AP3B1: variants seen among roughly 807,000 people sequenced by gnomAD.
The protein encoded by AP3B1 is AP-3 complex subunit beta-1.
Under a neutral mutation model 132.5 loss-of-function variants are expected in AP3B1, and 61 were observed. The ratio of observed to expected loss-of-function variants is 0.46; its 90% CI spans 0.37 to 0.57. AP3B1 has a LOEUF of 0.57. AP3B1 is among the 20% of genes least tolerant of loss of function. The pLI, the probability that AP3B1 is intolerant of heterozygous loss-of-function variation, is 0.00. For synonymous variants in AP3B1, 388 were observed against 438.3 expected, an observed-to-expected ratio of 0.89 and a Z score of 1.43; for missense variants, 1,120 against 1,289.4, an observed-to-expected ratio of 0.87 and a Z score of 2.01.
At chr5:78,274,247 T>C (rs551343089) in intron 1 of AP3B1, among the ~76,000 whole-genome samples, 10 of 151,068 alleles carry the variant, frequency 6.6e-5, no homozygotes, top group African/African-American at 2.4e-4. Context: ...GTATATGAAA[T>C]TAAGAACTCA....
intron 1 of AP3B1, among the ~76,000 whole-genome samples, chr5:78,278,101 A>C (rs1320357412): frequency 6.6e-6 from 1 of 152,124 alleles, no homozygotes; most frequent in African/African-American, 2.4e-5. Context: ...CCCAATCTTA[A>C]TCTTCTATAC....
chr5:78,183,867 T>TAAAA (rs899886034), intron 7 of AP3B1, among the ~76,000 whole-genome samples: 757 of 71,502 alleles, frequency 0.011, 16 homozygotes, highest in African/African-American at 0.043. Context: ...AATTCCATCT[T>TAAAA]AAAAAAAAAA....
intron 7 of AP3B1, among the ~76,000 whole-genome samples, chr5:78,193,736 ATAT>A (rs1456472890): frequency 1.1e-4 from 8 of 70,590 alleles, no homozygotes; most frequent in Admixed American, 2.3e-4. Flanking sequence ...ATATTTGTAT[ATAT>A]TTTTTTATAT....
Position 78,039,425 on chromosome 5 carries a change from T to A in AP3B1, c.2578-151A>T, listed in dbSNP as rs1351281378. ...AAACATTAGTAGGATATCACACACA[T>A]AGATATTAGTCAGAAATGATACAAA... On this transcript the variant is annotated intron_variant, in intron 22 of 26. Transcript: ENST00000255194. The A allele has an allele frequency of 4.4e-6, 3 of 687,430 alleles. No individual in the cohort carries two copies. In the Admixed American group the frequency reaches 7.1e-5, roughly 16 times the overall value. 42.6% of individuals were successfully genotyped at this position (687,430 alleles called of 1,614,324 possible).
At chr5:78,103,197 C>T (rs114606816) in intron 20 of AP3B1, among the ~76,000 whole-genome samples, 2,118 of 152,246 alleles carry the variant, frequency 0.014, 59 homozygotes, top group African/African-American at 0.049. Flanking sequence ...AAAGGATCTA[C>T]TATAAAAATA....
In AP3B1 at chr5:78,015,460, T is replaced by G; in HGVS notation, c.3081A>C (p.Val1027=). ...FTPSVIFQKV[V]NVANVGAVPS... is the part of the protein sequence containing the mutation. ...GGACTGCACCTACATTGGCTACATT[T>G]ACAACCTTCTGAAAGATCACAGAGG... is the stretch of plus-strand genomic sequence containing the variant. Residue 1027 remains valine (V), a synonymous_variant, in exon 26 of 27, where the codon GTA becomes GTC. Coordinates refer to ENST00000255194, the MANE Select transcript of AP3B1 (RefSeq NM_003664.5). The G allele has an allele frequency of 1.9e-6, 3 of 1,613,950 alleles. No individual in the cohort carries two copies. Among genetic ancestry groups the G allele is most frequent in the Non-Finnish European group, 2.5e-6 (3 of 1,179,874 alleles).
chr5:78,266,863 A>G (rs1748344310), intron 2 of AP3B1, among the ~76,000 whole-genome samples: 1 of 152,168 alleles, frequency 6.6e-6, no homozygotes, highest in Non-Finnish European at 1.5e-5. Flanking sequence ...TTGCAAAACT[A>G]TTTTACTAAA....
Position 78,113,878 on chromosome 5 carries a change from T to C in AP3B1, c.2123A>G (p.Glu708Gly). 1 of 1,614,220 alleles carries C rather than the reference T, an allele frequency of 6.2e-7. No individual in the cohort carries two copies. The highest frequency in any genetic ancestry group is 8.5e-7 in the Non-Finnish European group (1 of 1,180,044). Residue 708 changes from glutamate to glycine, a missense_variant, in exon 19 of 27, where the codon GAG (glutamate) becomes GGG (glycine). Glu to Gly is a moderately conservative substitution (Grantham distance 98, BLOSUM62 -2). Coordinates refer to ENST00000255194, the MANE Select transcript of AP3B1 (RefSeq NM_003664.5). ...SESGEQGESG[E>G]EGDSNEDSSE... Reference sequence around the variant, plus strand: ...GCTGTCCTCATTGCTGTCTCCTTCCTCCCCACTTTCGCCTTGTTCTCCACT... The same window carrying C: ...GCTGTCCTCATTGCTGTCTCCTTCCCCCCCACTTTCGCCTTGTTCTCCACT...
chr5:78,160,672 C>T (rs1211262396), intron 13 of AP3B1, among the ~76,000 whole-genome samples: 1 of 151,986 alleles, frequency 6.6e-6, no homozygotes, highest in Non-Finnish European at 1.5e-5. Context: ...CTTAAAAGAT[C>T]TTAACAGATT....
Position 78,034,404 on chromosome 5 carries a change from T to A in AP3B1, c.2851A>T (p.Ile951Phe). The change falls in exon 24 of 27, where the codon ATT (isoleucine) becomes TTT (phenylalanine). Residue 951 changes from isoleucine to phenylalanine, a missense_variant. Coordinates refer to ENST00000255194, the MANE Select transcript of AP3B1 (RefSeq NM_003664.5). ...PEGSITVSMGIDFCDSTQTAS... is the reference protein window; with the variant it reads ...PEGSITVSMGFDFCDSTQTAS... ...GTCTGAGTAGAATCACAAAAGTCAA[T>A]ACCCATTGAAACTGTAATGGATCCC... 6.2e-7 allele frequency: 1 copy of A among 1,612,072 alleles called. No individual in the cohort carries two copies.
In AP3B1 at chr5:78,294,696, T is replaced by A; in HGVS notation, c.-117A>T. The A allele has an allele frequency of 6.6e-7, 1 of 1,523,322 alleles. No individual in the cohort carries two copies. The highest frequency in any genetic ancestry group is 9.0e-7 in the Non-Finnish European group (1 of 1,112,800). The allele number at this position is 1,523,322 out of a possible 1,614,324, so 94.4% of individuals were successfully genotyped here. On this transcript the variant is annotated 5_prime_UTR_variant, in exon 1 of 27. Transcript: ENST00000255194. ...GTACGGAGGAGCGCGCGCAGGCGCTTCCGGACTCGTCACGGCTCCCTGAGC... is the reference window on the plus strand; with the variant it reads ...GTACGGAGGAGCGCGCGCAGGCGCTACCGGACTCGTCACGGCTCCCTGAGC...
intron 7 of AP3B1, among the ~76,000 whole-genome samples, chr5:78,184,626 T>A (rs1356206319): frequency 6.7e-6 from 1 of 149,834 alleles, no homozygotes; most frequent in African/African-American, 2.5e-5. Context: ...AGGCAGAGAT[T>A]GCAGTAAGCC....
chr5:78,224,258 A>G (rs1054244348), intron 6 of AP3B1, among the ~76,000 whole-genome samples: 2 of 152,250 alleles, frequency 1.3e-5, no homozygotes, highest in Non-Finnish European at 2.9e-5. Flanking sequence ...GAAATGCAAT[A>G]ATGATTTCTG....
At chr5:78,093,561 T>C (rs1750626515) in intron 21 of AP3B1, among the ~76,000 whole-genome samples, 1 of 152,242 alleles carries the variant, frequency 6.6e-6, no homozygotes, top group Non-Finnish European at 1.5e-5. Context: ...TTTCTAAAAG[T>C]AGATCTAATA....
Position 78,130,741 on chromosome 5 carries a change from C to T in AP3B1, c.1651-1434G>A, listed in dbSNP as rs1023205044. On this transcript the variant is annotated intron_variant, in intron 15 of 26. Coordinates refer to ENST00000255194, the MANE Select transcript of AP3B1 (RefSeq NM_003664.5). The stretch of plus-strand genomic sequence containing the variant: ...ATTTGCTGGAAAAACCTGGGAAATC[C>T]ACTTAATCATTAGTTTTCTCAAATG... 3.3e-5 allele frequency among the ~76,000 whole-genome samples: 5 copies of T among 151,906 alleles called. No homozygotes were observed. The South Asian group carries it at 6.2e-4, about 19-fold the overall frequency.
At chr5:78,140,403 A>C (rs1753095525) in intron 15 of AP3B1, among the ~76,000 whole-genome samples, 1 of 152,142 alleles carries the variant, frequency 6.6e-6, no homozygotes, top group East Asian at 1.9e-4. Flanking sequence ...AATATAATTA[A>C]TAATAAAAAT....
At chr5:78,093,035 A>G (rs1750597161) in intron 21 of AP3B1, among the ~76,000 whole-genome samples, 3 of 152,246 alleles carry the variant, frequency 2.0e-5, no homozygotes, top group Non-Finnish European at 4.4e-5. Context: ...GGAAACAGTT[A>G]CAGAGATATT....
rs2112027490 is a variant in AP3B1 at position 78,002,664 on chromosome 5, A to C, written c.*238T>G. 1 of 609,704 alleles carries C rather than the reference A, an allele frequency of 1.6e-6. No homozygotes were observed. Among genetic ancestry groups the C allele is most frequent in the African/African-American group, 1.8e-5 (1 of 54,182 alleles). 37.8% of individuals were successfully genotyped at this position (609,704 alleles called of 1,614,324 possible). Reference sequence around the variant, plus strand: ...ACAGAGAAAACGCCACATGGATTCAAGAGTTGAGACAACTGACAGTAAAAT... The same window carrying C: ...ACAGAGAAAACGCCACATGGATTCACGAGTTGAGACAACTGACAGTAAAAT... On this transcript the variant is annotated 3_prime_UTR_variant, in exon 27 of 27. Coordinates refer to ENST00000255194, the MANE Select transcript of AP3B1 (RefSeq NM_003664.5).
intron 22 of AP3B1, among the ~76,000 whole-genome samples, chr5:78,086,094 T>C (rs1750237673): frequency 6.6e-6 from 1 of 152,178 alleles, no homozygotes; most frequent in Non-Finnish European, 1.5e-5. Flanking sequence ...CTCAATCACA[T>C]GATCACAATT....
Sources: gnomAD v4.1 joint callset for allele counts (sites outside exome capture counted in the v4.1 genomes callset) on GRCh38, gnomAD v4.1.1 for gene constraint, MANE v1.5 for transcripts, NCBI Gene and HGNC (gene_info 2026-07-23, HGNC 2026-07-21) for gene names.